MYBL2: variants seen among roughly 807,000 people sequenced by gnomAD.
MYBL2 encodes myb-related protein B.
MYBL2 carries 28 observed loss-of-function variants against 79.9 expected under a neutral mutation model. That is an observed-to-expected ratio of 0.35 (90% CI 0.26 to 0.48). The LOEUF (loss-of-function observed/expected upper bound fraction) is 0.48, where lower values mean the gene tolerates loss of function less well. Ranked by LOEUF, MYBL2 falls within the 20% of genes least tolerant of loss-of-function variation. MYBL2 has a pLI of 0.99. For synonymous variants in MYBL2, 378 were observed against 361.2 expected (o/e 1.05, Z -0.53); for missense variants, 735 against 893.9 (o/e 0.82, Z 2.27).
chr20:43,702,344 G>T, intron 7 of MYBL2, 146 bp from the exon 8 acceptor site: 1 of 903,882 alleles, frequency 1.1e-6, no homozygotes, highest in Non-Finnish European at 1.7e-6. Context: ...TATAGTCATA[G>T]AAAACTTTGA....
At chr20:43,686,030 T>G (rs1451973439) in intron 4 of MYBL2, among the ~76,000 whole-genome samples, 3 of 151,688 alleles carry the variant, frequency 2.0e-5, no homozygotes, top group Non-Finnish European at 4.4e-5. Flanking sequence ...AGAGCAAAAC[T>G]TCGTCTCAAA....
intron 2 of MYBL2, among the ~76,000 whole-genome samples, chr20:43,679,354 A>G (rs1234824870): frequency 2.0e-5 from 3 of 152,290 alleles, no homozygotes; most frequent in Non-Finnish European, 2.9e-5. Flanking sequence ...CTCACTTTAA[A>G]TTTATCCCCT....
intron 1 of MYBL2, 127 bp from the exon 2 acceptor site, chr20:43,673,679 A>G (rs138941029): frequency 1.2e-6 from 1 of 856,648 alleles, no homozygotes; most frequent in Non-Finnish European, 2.0e-6. Flanking sequence ...TCTTAAAAAG[A>G]AGAAAAAGTA....
Position 43,715,910 on chromosome 20 carries a change from G to C in MYBL2, c.1975-49G>C, listed in dbSNP as rs374335921. The C allele has an allele frequency of 2.2e-5, 34 of 1,570,060 alleles. No homozygotes were observed. In the African/African-American group the frequency reaches 3.7e-4, roughly 17 times the overall value. On this transcript the variant is annotated intron_variant, in intron 13 of 13. Transcript: ENST00000217026. Reference sequence around the variant, plus strand: ...CTGGCCAGGATCACCAGGGTCTGTTGGGAACACATAGTCCCTGCCTGGATG... The same window carrying C: ...CTGGCCAGGATCACCAGGGTCTGTTCGGAACACATAGTCCCTGCCTGGATG...
At chr20:43,703,938 A>AT (rs1157093114) in intron 8 of MYBL2, among the ~76,000 whole-genome samples, 1 of 151,728 alleles carries the variant, frequency 6.6e-6, no homozygotes, top group African/African-American at 2.4e-5. Context: ...CTAATCTATT[A>AT]TTTTTTCTTG....
At chr20:43,690,883 C>T (rs1482357464) in intron 5 of MYBL2, among the ~76,000 whole-genome samples, 1 of 152,172 alleles carries the variant, frequency 6.6e-6, no homozygotes, top group Non-Finnish European at 1.5e-5. Context: ...CGCGCCTGAC[C>T]TGCCGCTTGC....
At chr20:43,697,194 GA>G (rs553404641) in intron 6 of MYBL2, among the ~76,000 whole-genome samples, 208 of 151,806 alleles carry the variant, frequency 1.4e-3, no homozygotes, top group African/African-American at 4.7e-3. Flanking sequence ...ATGGTTATAT[GA>G]AAAAAAATCT....
rs907805465 is a variant in MYBL2 at position 43,715,979 on chromosome 20, G to A, written c.1995G>A (p.Thr665=). 20 of 1,611,870 alleles carry A rather than the reference G, an allele frequency of 1.2e-5. No homozygotes were observed. Among genetic ancestry groups the A allele is most frequent in the Non-Finnish European group, 1.5e-5 (18 of 1,179,628 alleles). ...CCCAGATGTCCAGTGCCTGGAAGAC[G>A]GTGGCCTGCGGGGGGACCAGGGACC... The part of the protein sequence containing the change: ...TPAPMSSAWK[T]VACGGTRDQL... The change falls in exon 14 of 14, where the codon ACG becomes ACA. Residue 665 remains threonine, a synonymous_variant. Coordinates refer to ENST00000217026, the MANE Select transcript of MYBL2 (RefSeq NM_002466.4).
intron 5 of MYBL2, among the ~76,000 whole-genome samples, chr20:43,687,869 T>C (rs1987314937): frequency 6.6e-6 from 1 of 151,706 alleles, no homozygotes; most frequent in African/African-American, 2.4e-5. Flanking sequence ...TACAAAAAAT[T>C]AGCGGGATGT....
chr20:43,713,228 A>G, intron 12 of MYBL2, 122 bp downstream of exon 12: 5 of 393,592 alleles, frequency 1.3e-5, no homozygotes, highest in Non-Finnish European at 2.1e-5. Context: ...GCTATCAGGG[A>G]GGGTGGGTCC....
intron 7 of MYBL2, 145 bp from the exon 8 acceptor site, chr20:43,702,344 GA>G: frequency 1.1e-6 from 1 of 903,882 alleles, no homozygotes; most frequent in Non-Finnish European, 1.7e-6. Flanking sequence ...TATAGTCATA[GA>G]AAACTTTGAG....
rs780232644 is a variant in MYBL2 at position 43,713,088 on chromosome 20, G to A, written c.1806G>A (p.Leu602=). ...DEDVKLMMST[L]PKSLSLPTTA... ...ATGTGAAGCTGATGATGTCCACACT[G>A]CCCAAGTCTCTATCCTTGGTAAGGC... is the stretch of plus-strand genomic sequence containing the variant. Residue 602 remains leucine, a synonymous_variant, in exon 12 of 14, where the codon CTG becomes CTA. Coordinates refer to ENST00000217026, the MANE Select transcript of MYBL2 (RefSeq NM_002466.4). 6.2e-7 allele frequency: 1 copy of A among 1,612,702 alleles called. No individual in the cohort carries two copies. Among genetic ancestry groups the A allele is most frequent in the Non-Finnish European group, 8.5e-7 (1 of 1,179,394 alleles).
rs1004893796 is a variant in MYBL2, at chr20:43,705,419, G to T, written c.1505+61G>T. On this transcript the variant is annotated intron_variant, in intron 9 of 13. Transcript: ENST00000217026. ...CTCCCTCAGCAACACCAGACCATGG[G>T]CCTTGGGACCACTGGTGGAACAGTG... 20 of 1,513,126 alleles carry T rather than the reference G, an allele frequency of 1.3e-5. No individual in the cohort carries two copies. In the Admixed American group the frequency reaches 4.0e-4, roughly 30 times the overall value. The allele number at this position is 1,513,126 out of a possible 1,614,324, so 93.7% of individuals were successfully genotyped here. A position where few individuals can be genotyped will look rare whatever the true frequency, so the allele number is the denominator to read the frequency against.
rs1033932032 is a variant in MYBL2 at position 43,667,194 on chromosome 20, C to T, written c.-90C>T. The T allele has an allele frequency of 2.1e-6, 2 of 954,796 alleles. No homozygotes were observed. Among genetic ancestry groups the T allele is most frequent in the Non-Finnish European group, 2.6e-6 (2 of 756,966 alleles). 59.1% of individuals were successfully genotyped at this position (954,796 alleles called of 1,614,324 possible). Reference sequence around the variant, plus strand: ...GAGCGCGGCCCGGGGCCCGGAGCGGCCGGAGCAGCCCGGGTCCTGACCCCG... The same window carrying T: ...GAGCGCGGCCCGGGGCCCGGAGCGGTCGGAGCAGCCCGGGTCCTGACCCCG... On this transcript the variant is annotated 5_prime_UTR_variant, in exon 1 of 14. Coordinates refer to ENST00000217026, the MANE Select transcript of MYBL2 (RefSeq NM_002466.4).
At chr20:43,704,297 TGA>T (rs2145730024) in intron 8 of MYBL2, among the ~76,000 whole-genome samples, 1 of 152,302 alleles carries the variant, frequency 6.6e-6, no homozygotes, top group South Asian at 2.1e-4. Context: ...ATTACAGGCG[TGA>T]GCCACCGCGC....
At chr20:43,678,374 G>A (rs1987066681) in intron 2 of MYBL2, among the ~76,000 whole-genome samples, 1 of 152,128 alleles carries the variant, frequency 6.6e-6, no homozygotes, top group Non-Finnish European at 1.5e-5. Flanking sequence ...CTGATTCCTC[G>A]AGGGCCTTGA....
At chr20:43,669,915 A>G (rs1200158793) in intron 1 of MYBL2, among the ~76,000 whole-genome samples, 2 of 152,162 alleles carry the variant, frequency 1.3e-5, no homozygotes, top group African/African-American at 4.8e-5. Context: ...CAGCTTGACC[A>G]ATATGGTGAA....
intron 2 of MYBL2, among the ~76,000 whole-genome samples, chr20:43,678,363 G>T (rs1358505959): frequency 1.3e-5 from 2 of 151,980 alleles, no homozygotes; most frequent in Non-Finnish European, 2.9e-5. Context: ...ATACACTGGG[G>T]CTGATTCCTC....
intron 5 of MYBL2, among the ~76,000 whole-genome samples, chr20:43,688,208 C>CT (rs949291625): frequency 6.0e-5 from 9 of 149,834 alleles, no homozygotes; most frequent in Non-Finnish European, 1.0e-4. Flanking sequence ...TTTATTTATT[C>CT]TTTTTTTTGG....
Sources: gnomAD v4.1 joint callset for allele counts (sites outside exome capture counted in the v4.1 genomes callset) on GRCh38, gnomAD v4.1.1 for gene constraint, MANE v1.5 for transcripts, NCBI Gene and HGNC (gene_info 2026-07-23, HGNC 2026-07-21) for gene names.